Variants in RYR3 observed in about 807,000 individuals in gnomAD.
The protein encoded by RYR3 is brain ryanodine receptor-calcium release channel.
In RYR3, 207 loss-of-function variants were observed where a neutral mutation model predicts 584.3. That is an observed-to-expected ratio of 0.35 (90% CI 0.32 to 0.40). The LOEUF is 0.40. Ranked by LOEUF, RYR3 falls within the 10% of genes least tolerant of loss-of-function variation. The probability of loss-of-function intolerance (pLI) is 1.00; values close to 1 mark genes in which losing one functional copy is unlikely to be tolerated. For synonymous variants in RYR3, 2,416 were observed against 2,248.5 expected (o/e 1.07, Z -2.11); for missense variants, 5,616 against 6,089.2 (o/e 0.92, Z 2.59).
At chr15:33,620,603 A>T (rs2060678316) in intron 19 of RYR3, among the ~76,000 whole-genome samples, 1 of 152,236 alleles carries the variant, frequency 6.6e-6, no homozygotes, top group African/African-American at 2.4e-5. Flanking sequence ...ATGAGTTTCA[A>T]GTATTTTGTT....
chr15:33,579,456 G>A (rs898052462), intron 12 of RYR3, among the ~76,000 whole-genome samples: 19 of 114,620 alleles, frequency 1.7e-4, no homozygotes, highest in African/African-American at 5.2e-4. Context: ...ATTAATCAAT[G>A]CCAAGAAGGT....
Position 33,384,485 on chromosome 15 carries a change from A to G in RYR3, c.51+73389A>G, listed in dbSNP as rs2041434324. 4.8e-5 allele frequency among the ~76,000 whole-genome samples: 7 copies of G among 146,110 alleles called. No homozygotes were observed. In the South Asian group the frequency reaches 1.5e-3, roughly 31 times the overall value. On this transcript the variant is annotated intron_variant, in intron 1 of 103. Coordinates refer to ENST00000634891, the MANE Select transcript of RYR3 (RefSeq NM_001036.6). Reference sequence around the variant, plus strand: ...ATTATATTATAATATTATATTTTATATTATAATAATTATACTATTATTTTA... The same window carrying G: ...ATTATATTATAATATTATATTTTATGTTATAATAATTATACTATTATTTTA...
intron 16 of RYR3, among the ~76,000 whole-genome samples, chr15:33,587,895 T>TCG (rs2058937130): frequency 6.6e-6 from 1 of 152,228 alleles, no homozygotes; most frequent in African/African-American, 2.4e-5. Context: ...TTGCAACACT[T>TCG]CATCTTTGCT....
At chr15:33,651,356 G>A (rs2062451381) in intron 31 of RYR3, among the ~76,000 whole-genome samples, 1 of 152,190 alleles carries the variant, frequency 6.6e-6, no homozygotes, top group Admixed American at 6.5e-5. Context: ...CTAAAAAGTA[G>A]TACTAACATG....
At chr15:33,677,662 G>C (rs1353659072) in intron 38 of RYR3, among the ~76,000 whole-genome samples, 2 of 152,166 alleles carry the variant, frequency 1.3e-5, no homozygotes, top group East Asian at 3.8e-4. Context: ...GTCAGATATG[G>C]GTATCTGTAT....
intron 18 of RYR3, among the ~76,000 whole-genome samples, chr15:33,605,693 A>T (rs2059871873): frequency 6.6e-6 from 1 of 152,214 alleles, no homozygotes; most frequent in Non-Finnish European, 1.5e-5. Flanking sequence ...CACAGGGAAC[A>T]TATATCTTGC....
At chr15:33,666,411 A>G (rs528467159) in intron 36 of RYR3, among the ~76,000 whole-genome samples, 1 of 152,302 alleles carries the variant, frequency 6.6e-6, no homozygotes, top group South Asian at 2.1e-4. Flanking sequence ...AATAAAAATG[A>G]AAGAAGGGAC....
chr15:33,721,830 C>T (rs1424987247), intron 43 of RYR3, among the ~76,000 whole-genome samples: 1 of 152,022 alleles, frequency 6.6e-6, no homozygotes, highest in African/African-American at 2.4e-5. Context: ...TGTATTGGCT[C>T]TAAGAAAGAA....
At chr15:33,648,947 G>A (rs1174598425) in intron 30 of RYR3, 125 bp from the exon 31 acceptor site, 7 of 815,684 alleles carry the variant, frequency 8.6e-6, no homozygotes, top group African/African-American at 5.1e-5. Flanking sequence ...CTACTAGTGT[G>A]CACTTTTCCA....
chr15:33,432,859 G>A (rs1009816521), intron 1 of RYR3, among the ~76,000 whole-genome samples: 3 of 151,934 alleles, frequency 2.0e-5, no homozygotes, highest in African/African-American at 7.3e-5. Flanking sequence ...ATTCCACATC[G>A]AATTAGTTTT....
At chr15:33,458,728 T>G (rs1270561782) in intron 1 of RYR3, among the ~76,000 whole-genome samples, 1 of 152,192 alleles carries the variant, frequency 6.6e-6, no homozygotes, top group Non-Finnish European at 1.5e-5. Context: ...AGAAGTCCTA[T>G]GAGGCAGTAT....
chr15:33,664,384 G>A lies in RYR3; in HGVS notation c.5619+647G>A, dbSNP rs147286886. Among the ~76,000 whole-genome samples, 18 of 152,012 alleles carry A rather than the reference G, an allele frequency of 1.2e-4. No individual in the cohort carries two copies. The East Asian group carries it at 3.5e-3, about 29-fold the overall frequency. On this transcript the variant is annotated intron_variant, in intron 36 of 103. Coordinates refer to ENST00000634891, the MANE Select transcript of RYR3 (RefSeq NM_001036.6). ...ATCCTAGTGAGAAATTTCTAAATGA[G>A]GGAGACACATTCTGTAGAATAGGAG...
rs180899760 is a variant in RYR3, at chr15:33,820,764, A to G, written c.10767A>G (p.Gln3589=). The part of the protein sequence containing the change: ...SYSSMMAKSC[Q]SGEDEEEDED... ...TGCTCCATGAAATCCAGAGTTGTCA[A>G]AGTGGTGAGGATGAAGAAGAAGATG... Residue 3589 remains glutamine (Q), a synonymous_variant, in exon 78 of 104, where the codon CAA becomes CAG. Transcript: ENST00000634891. 1.4e-4 allele frequency: 230 copies of G among 1,606,020 alleles called. No homozygotes were observed. The highest frequency in any genetic ancestry group is 1.8e-4 in the Non-Finnish European group (217 of 1,176,234).
intron 72 of RYR3, among the ~76,000 whole-genome samples, chr15:33,811,782 A>G (rs2152947060): frequency 6.6e-6 from 1 of 152,264 alleles, no homozygotes; most frequent in South Asian, 2.1e-4. Context: ...TTCCTGCTCT[A>G]AAGAGATTTT....
chr15:33,800,401 A>G (rs995054443), intron 67 of RYR3, among the ~76,000 whole-genome samples: 5 of 152,190 alleles, frequency 3.3e-5, no homozygotes, highest in African/African-American at 1.2e-4. Context: ...CTTATATATT[A>G]AAGGAAGCAT....
At chr15:33,404,430 C>T (rs1255988436) in intron 1 of RYR3, among the ~76,000 whole-genome samples, 1 of 152,202 alleles carries the variant, frequency 6.6e-6, no homozygotes, top group South Asian at 2.1e-4. Flanking sequence ...CCAAGCTTGT[C>T]TGCTCTCAAA....
chr15:33,415,238 CCTTTTTA>C (rs1165499211), intron 1 of RYR3, among the ~76,000 whole-genome samples: 9 of 152,084 alleles, frequency 5.9e-5, no homozygotes, highest in African/African-American at 2.2e-4. Flanking sequence ...AACTACCAGT[CCTTTTTA>C]CTTTTTATTA....
At chr15:33,750,913 G>A (rs192581884) in intron 57 of RYR3, among the ~76,000 whole-genome samples, 1,653 of 151,878 alleles carry the variant, frequency 0.011, 25 homozygotes, top group African/African-American at 0.037. Flanking sequence ...GATGTTCCCC[G>A]CCCTGTGTCC....
At chr15:33,567,728 A>C (rs1038399187) in intron 12 of RYR3, among the ~76,000 whole-genome samples, 7 of 152,330 alleles carry the variant, frequency 4.6e-5, no homozygotes, top group African/African-American at 1.4e-4. Flanking sequence ...GAGCATCAGC[A>C]TCACTTGCAA....
Sources: allele counts gnomAD v4.1 joint callset (sites outside exome capture counted in the v4.1 genomes callset), GRCh38; gene constraint gnomAD v4.1.1; transcripts MANE v1.5; gene names NCBI Gene and HGNC (gene_info 2026-07-23, HGNC 2026-07-21).